STK24: variants seen among roughly 807,000 people sequenced by gnomAD.
STK24 encodes the protein serine/threonine-protein kinase 24.
In STK24, 21 loss-of-function variants were observed where a neutral mutation model predicts 55.6. The observed-to-expected ratio is 0.38, with a 90% CI of 0.27 to 0.54. The LOEUF (loss-of-function observed/expected upper bound fraction) is 0.54. STK24 is among the 20% of genes least tolerant of loss of function. The pLI is 0.79. For synonymous variants in STK24, 200 were observed against 215.2 expected, an observed-to-expected ratio of 0.93 and a Z score of 0.62; for missense variants, 383 against 538.4, an observed-to-expected ratio of 0.71 and a Z score of 2.86.
intron 2 of STK24, among the ~76,000 whole-genome samples, chr13:98,486,534 C>T (rs147284422): frequency 9.8e-5 from 15 of 152,348 alleles, no homozygotes; most frequent in African/African-American, 3.1e-4. Flanking sequence ...CACCCCAGCA[C>T]TGACTTTTGG....
chr13:98,475,363 G>C lies in STK24; in HGVS notation c.331-5C>G. ...ATCTAATGGGCCAGGTTCTAACTAA[G>C]AAGAGAAAAAAATTCTTAAAGTTAC... On this transcript the variant is annotated splice_polypyrimidine_tract_variant and splice_region_variant and intron_variant, in intron 3 of 10. Coordinates refer to ENST00000539966, the MANE Select transcript of STK24 (RefSeq NM_001032296.4). 1 of 1,577,840 alleles carries C rather than the reference G, an allele frequency of 6.3e-7. No homozygotes were observed. The highest frequency in any genetic ancestry group is 8.6e-7 in the Non-Finnish European group (1 of 1,164,804).
intron 2 of STK24, among the ~76,000 whole-genome samples, chr13:98,493,756 C>T (rs1895131369): frequency 6.6e-6 from 1 of 151,886 alleles, no homozygotes; most frequent in African/African-American, 2.4e-5. Flanking sequence ...TTTCAAGACC[C>T]AGCCGAAAGA....
At chr13:98,466,945 A>C (rs1893947975) in intron 5 of STK24, among the ~76,000 whole-genome samples, 1 of 152,220 alleles carries the variant, frequency 6.6e-6, no homozygotes, top group Admixed American at 6.5e-5. Flanking sequence ...CTTAGGGCAC[A>C]GCTCTGAGGT....
At chr13:98,503,157 G>GT (rs1895553818) in intron 2 of STK24, among the ~76,000 whole-genome samples, 1 of 149,582 alleles carries the variant, frequency 6.7e-6, no homozygotes, top group Non-Finnish European at 1.5e-5. Context: ...CCAAGAGAGT[G>GT]TTTTTTAAAA....
At position 98,500,563 on chromosome 13, in the gene STK24, A is replaced by C. The variant is rs1236512345; in HGVS notation, c.274-18242T>G. 2.0e-5 allele frequency among the ~76,000 whole-genome samples: 3 copies of C among 152,276 alleles called. No individual in the cohort carries two copies. The East Asian group carries it at 5.8e-4, about 29-fold the overall frequency. On this transcript the variant is annotated intron_variant, in intron 2 of 10. Coordinates refer to ENST00000539966, the MANE Select transcript of STK24 (RefSeq NM_001032296.4). ...TCATGAGACCAGGTGGCACCTACTA[A>C]CATCTCAAAGAATGGGACTCCTATG...
chr13:98,482,372 A>T (rs9513431), intron 2 of STK24, 51 bp from the exon 3 acceptor site: 309,341 of 1,136,156 alleles, frequency 0.27, 42,670 homozygotes, highest in Non-Finnish European at 0.3. Flanking sequence ...ATCCAGGAAA[A>T]TTTTTTTTAA....
In STK24 at chr13:98,446,542, C is replaced by T. The variant is rs1202970595; in HGVS notation, c.*6631G>A. On this transcript the variant is annotated 3_prime_UTR_variant, in exon 11 of 11. Coordinates refer to ENST00000539966, the MANE Select transcript of STK24 (RefSeq NM_001032296.4). ...AAACACTGGCTGCCATGGTCCCTTC[C>T]AGGCCCACGCCCGAGGAGGGAGCTG... 1.0e-6 allele frequency: 1 copy of T among 994,204 alleles called. No homozygotes were observed. Among genetic ancestry groups the T allele is most frequent in the East Asian group, 2.4e-5 (1 of 41,872 alleles). 61.6% of individuals were successfully genotyped at this position (994,204 alleles called of 1,614,324 possible). A position where few individuals can be genotyped will look rare whatever the true frequency, so the allele number is the denominator to read the frequency against.
At chr13:98,463,918 T>A (rs957416353) in intron 6 of STK24, 82 bp from the exon 7 acceptor site, 1 of 1,496,390 alleles carries the variant, frequency 6.7e-7, no homozygotes, top group Non-Finnish European at 9.1e-7. Flanking sequence ...CCTCAAAATG[T>A]CAACCGCCAC....
intron 2 of STK24, among the ~76,000 whole-genome samples, chr13:98,499,173 C>T (rs1041162977): frequency 5.9e-5 from 9 of 151,832 alleles, no homozygotes; most frequent in Middle Eastern, 3.2e-3. Flanking sequence ...AGGAGGCGGA[C>T]GTTGCAGGGA....
At chr13:98,543,580 G>A (rs116820843) in intron 1 of STK24, among the ~76,000 whole-genome samples, 1,704 of 152,246 alleles carry the variant, frequency 0.011, 33 homozygotes, top group African/African-American at 0.038. Flanking sequence ...CCGAAGACGC[G>A]GGTCTGATCG....
chr13:98,501,769 G>A (rs973206938), intron 2 of STK24, among the ~76,000 whole-genome samples: 7 of 152,152 alleles, frequency 4.6e-5, no homozygotes, highest in African/African-American at 1.2e-4. Context: ...TCTACGGTGA[G>A]ATAAGCACGA....
chr13:98,506,153 A>G (rs1337093928), intron 2 of STK24, among the ~76,000 whole-genome samples: 1 of 152,250 alleles, frequency 6.6e-6, no homozygotes. Context: ...GCAAAAATCT[A>G]AACCAGTCAC....
At chr13:98,475,413 T>G (rs1894330159) in intron 3 of STK24, 55 bp from the exon 4 acceptor site, 1 of 1,308,588 alleles carries the variant, frequency 7.6e-7, no homozygotes. Flanking sequence ...TATGAAAAGT[T>G]TGAGATAAAA....
chr13:98,544,315 C>T (rs1203563665), intron 1 of STK24, among the ~76,000 whole-genome samples: 1 of 152,212 alleles, frequency 6.6e-6, no homozygotes, highest in African/African-American at 2.4e-5. Flanking sequence ...CAACTGCAGA[C>T]ACAGAAGTCC....
At chr13:98,489,470 A>G (rs1894935943) in intron 2 of STK24, among the ~76,000 whole-genome samples, 1 of 152,200 alleles carries the variant, frequency 6.6e-6, no homozygotes, top group Non-Finnish European at 1.5e-5. Context: ...CATACCTACT[A>G]GGTACCCAGG....
chr13:98,447,064 G>T lies in STK24; in HGVS notation c.*6109C>A, dbSNP rs1892892051. 2.1e-6 allele frequency: 1 copy of T among 480,304 alleles called. No individual in the cohort carries two copies. Among genetic ancestry groups the T allele is most frequent in the Non-Finnish European group, 3.8e-6 (1 of 264,748 alleles). The allele number at this position is 480,304 out of a possible 1,614,324, so 29.8% of individuals were successfully genotyped here. On this transcript the variant is annotated 3_prime_UTR_variant, in exon 11 of 11. Transcript: ENST00000539966. ...TGAGGCCCTAGACATCTTGCTTGGA[G>T]ATCTCTGACATAACGTGTCCGGGAT...
intron 5 of STK24, among the ~76,000 whole-genome samples, chr13:98,473,968 T>G (rs917961780): frequency 6.6e-6 from 1 of 152,214 alleles, no homozygotes; most frequent in African/African-American, 2.4e-5. Flanking sequence ...TCGGCCTATA[T>G]GCATATCTGA....
chr13:98,485,570 T>G (rs1894773657), intron 2 of STK24, among the ~76,000 whole-genome samples: 1 of 152,220 alleles, frequency 6.6e-6, no homozygotes, highest in African/African-American at 2.4e-5. Flanking sequence ...TGGCTAATGT[T>G]AGTCCTACAA....
At chr13:98,497,113 C>T (rs1038543766) in intron 2 of STK24, among the ~76,000 whole-genome samples, 10 of 152,178 alleles carry the variant, frequency 6.6e-5, no homozygotes, top group African/African-American at 2.4e-4. Context: ...GCCAGGCCCA[C>T]TCTTCGGCAC....
Sources: allele counts gnomAD v4.1 joint callset (sites outside exome capture counted in the v4.1 genomes callset), GRCh38; gene constraint gnomAD v4.1.1; transcripts MANE v1.5; gene names NCBI Gene and HGNC (gene_info 2026-07-23, HGNC 2026-07-21).